ZCCHC14: variants seen among roughly 807,000 people sequenced by gnomAD.
ZCCHC14 encodes the protein zinc finger CCHC-type containing 14, also known as zinc finger CCHC domain-containing protein 14.
In ZCCHC14, 16 loss-of-function variants were observed where a neutral mutation model predicts 85.0. The observed-to-expected ratio is 0.19, with a 90% CI of 0.13 to 0.29. The LOEUF (loss-of-function observed/expected upper bound fraction) is 0.29. ZCCHC14 is among the 10% of genes least tolerant of loss of function. ZCCHC14 has a pLI of 1.00. For synonymous variants in ZCCHC14, 775 were observed against 630.7 expected, an observed-to-expected ratio of 1.23 and a Z score of -3.43; for missense variants, 1,303 against 1,443.5, an observed-to-expected ratio of 0.90 and a Z score of 1.58.
intron 1 of ZCCHC14, chr16:87,471,651 G>C (rs1911778832): frequency 6.6e-6 from 1 of 152,300 alleles, no homozygotes; most frequent in South Asian, 2.1e-4. Context: ...AACCACATGG[G>C]ACCTCTGGGG....
At chr16:87,425,938 G>A (rs967996800) in intron 3 of ZCCHC14, among the ~76,000 whole-genome samples, 1 of 152,242 alleles carries the variant, frequency 6.6e-6, no homozygotes, top group African/African-American at 2.4e-5. Context: ...ATCATCTTAT[G>A]TTGAAACAGA....
chr16:87,410,647 G>T (rs60483752), intron 12 of ZCCHC14, among the ~76,000 whole-genome samples: 1 of 152,124 alleles, frequency 6.6e-6, no homozygotes, highest in Non-Finnish European at 1.5e-5. Flanking sequence ...CACTGGGTGA[G>T]GGCAGGTGAG....
chr16:87,471,921 A>G (rs1911789276), intron 1 of ZCCHC14: 1 of 152,336 alleles, frequency 6.6e-6, no homozygotes, highest in South Asian at 2.1e-4. Context: ...CCTGTCCAGC[A>G]GCGACCTACT....
intron 1 of ZCCHC14, among the ~76,000 whole-genome samples, chr16:87,465,382 G>A (rs1318855148): frequency 6.6e-6 from 1 of 152,220 alleles, no homozygotes; most frequent in Non-Finnish European, 1.5e-5. Flanking sequence ...AAAAACTTCT[G>A]CAATCTACAT....
chr16:87,412,902 C>T lies in ZCCHC14; in HGVS notation c.1819G>A (p.Ala607Thr), dbSNP rs1410201138. 2 of 1,600,842 alleles carry T rather than the reference C, an allele frequency of 1.2e-6. No individual in the cohort carries two copies. The highest frequency in any genetic ancestry group is 2.2e-5 in the East Asian group (1 of 44,756). Reference protein sequence around the residue: ...MLLNHFTSSSARPTAQVLPVQ... With the variant: ...MLLNHFTSSSTRPTAQVLPVQ... ...GGGAGAACCTGGGCCGTGGGTCTGG[C>T]GGAACTGGAAGTGAAGTGATTCAGC... Residue 607 changes from alanine to threonine, a missense_variant, in exon 12 of 13, where the codon GCC becomes ACC. Physicochemically the swap from Ala to Thr is moderately conservative, Grantham distance 58 (BLOSUM62 0). This residue lies in a region of ZCCHC14 where 797 missense variants were observed against 730.8 expected (regional missense o/e 1.09). Transcript: ENST00000671377.
chr16:87,417,988 A>G, intron 7 of ZCCHC14: 1 of 508,848 alleles, frequency 2.0e-6, no homozygotes, highest in Non-Finnish European at 3.5e-6. Flanking sequence ...GCGGCTGTGC[A>G]TATACACACA....
intron 2 of ZCCHC14, among the ~76,000 whole-genome samples, chr16:87,452,787 C>G (rs1160291992): frequency 1.3e-5 from 2 of 152,196 alleles, no homozygotes; most frequent in African/African-American, 4.8e-5. Context: ...CTGGTGACCC[C>G]CCTCGTGACA....
At chr16:87,462,363 T>A (rs1159905847) in intron 1 of ZCCHC14, among the ~76,000 whole-genome samples, 1 of 152,196 alleles carries the variant, frequency 6.6e-6, no homozygotes, top group Non-Finnish European at 1.5e-5. Flanking sequence ...ACGATACAAA[T>A]CTTACACAAG....
chr16:87,431,007 G>GCA (rs1159455730), intron 3 of ZCCHC14, among the ~76,000 whole-genome samples: 1 of 152,102 alleles, frequency 6.6e-6, no homozygotes, highest in African/African-American at 2.4e-5. Context: ...GGGTATGGTG[G>GCA]CATGTGCCTG....
At position 87,493,023 on chromosome 16, in the gene ZCCHC14, G is replaced by A. The variant is rs1472565994; in HGVS notation, c.-785C>T. 6.6e-6 allele frequency among the ~76,000 whole-genome samples: 1 copy of A among 151,996 alleles called. No homozygotes were observed. The highest frequency in any genetic ancestry group is 1.5e-5 in the Non-Finnish European group (1 of 67,948). On this transcript the variant is annotated 5_prime_UTR_variant, in exon 1 of 13. Transcript: ENST00000671377. ...TGACGGGCGGCCGGGATCAGCAGAAGTGGGCGGGGTGGCCGCCTCTCGCGA... is the reference window on the plus strand; with the variant it reads ...TGACGGGCGGCCGGGATCAGCAGAAATGGGCGGGGTGGCCGCCTCTCGCGA...
intron 2 of ZCCHC14, among the ~76,000 whole-genome samples, chr16:87,451,459 A>C (rs553416443): frequency 6.6e-6 from 1 of 152,108 alleles, no homozygotes; most frequent in South Asian, 2.1e-4. Context: ...CAGCCTCCCA[A>C]AGTGCTGGGA....
At position 87,420,328 on chromosome 16, in the gene ZCCHC14, G is replaced by T. The variant is rs1371826520; in HGVS notation, c.950+279C>A. Among the ~76,000 whole-genome samples the T allele has an allele frequency of 6.6e-6, 1 of 152,244 alleles. No individual in the cohort carries two copies. The highest frequency in any genetic ancestry group is 2.4e-5 in the African/African-American group (1 of 41,474). ...AGTCTCAACCTTGGACTACAGGATG[G>T]AAACAGCAGCCCAGGATTATTTCAC... On this transcript the variant is annotated intron_variant, in intron 5 of 12. Coordinates refer to ENST00000671377, the MANE Select transcript of ZCCHC14 (RefSeq NM_015144.3). This position sits in a 1 kb window ranked among gnomAD's most constrained non-coding sequence, Gnocchi z 5.0.
intron 2 of ZCCHC14, among the ~76,000 whole-genome samples, chr16:87,455,233 A>C (rs1053458238): frequency 6.6e-6 from 1 of 152,114 alleles, no homozygotes; most frequent in African/African-American, 2.4e-5. Flanking sequence ...GGTTGTGGTG[A>C]ACCGAGATCG....
chr16:87,428,083 A>G (rs1909467223), intron 3 of ZCCHC14, among the ~76,000 whole-genome samples: 1 of 152,042 alleles, frequency 6.6e-6, no homozygotes, highest in African/African-American at 2.4e-5. Flanking sequence ...TGATTCCTGC[A>G]TATTGGTTTG....
intron 1 of ZCCHC14, among the ~76,000 whole-genome samples, chr16:87,462,694 C>A (rs990053943): frequency 6.0e-5 from 9 of 150,636 alleles, no homozygotes; most frequent in Admixed American, 5.3e-4. Context: ...GAGCCGAGAT[C>A]GCGCCCCAGC....
chr16:87,425,062 G>C (rs1485501488), intron 3 of ZCCHC14, among the ~76,000 whole-genome samples: 1 of 152,050 alleles, frequency 6.6e-6, no homozygotes, highest in Non-Finnish European at 1.5e-5. Flanking sequence ...CCACCCTCCT[G>C]CCTGCTGAAA....
At chr16:87,443,066 T>C (rs1455383172) in intron 2 of ZCCHC14, among the ~76,000 whole-genome samples, 4 of 152,194 alleles carry the variant, frequency 2.6e-5, no homozygotes, top group Non-Finnish European at 5.9e-5. Flanking sequence ...AAATGTGAAA[T>C]ATCTGGGTAA....
At chr16:87,470,496 C>A (rs917943592) in intron 1 of ZCCHC14, 3 of 152,108 alleles carry the variant, frequency 2.0e-5, no homozygotes, top group African/African-American at 7.2e-5. Context: ...ACTGTCTGGA[C>A]AGCAAGGAGG....
intron 1 of ZCCHC14, among the ~76,000 whole-genome samples, chr16:87,463,078 GA>G (rs1911351466): frequency 1.3e-5 from 2 of 151,420 alleles, no homozygotes; most frequent in Non-Finnish European, 2.9e-5. Context: ...CAAAGAAAAA[GA>G]AAAAAAGAAA....
Sources: gnomAD v4.1 joint callset for allele counts (sites outside exome capture counted in the v4.1 genomes callset) on GRCh38, gnomAD v4.1.1 for gene constraint, gnomAD v4.1.1 regional missense constraint, Gnocchi (gnomAD v3.1) non-coding constraint, MANE v1.5 for transcripts, NCBI Gene and HGNC (gene_info 2026-07-23, HGNC 2026-07-21) for gene names.